Variants in MGAT4C observed in about 807,000 individuals in gnomAD.
MGAT4C encodes the protein MGAT4 family member C.
In MGAT4C, 19 loss-of-function variants were observed where a neutral mutation model predicts 40.1. That is an observed-to-expected ratio of 0.47 (90% CI 0.33 to 0.70). MGAT4C has a LOEUF of 0.70. Among genes scored for constraint, MGAT4C ranks in the 30% least tolerant of loss-of-function variants. The pLI, the probability that MGAT4C is intolerant of heterozygous loss-of-function variation, is 0.02. For synonymous variants in MGAT4C, 181 were observed against 187.1 expected (o/e 0.97, Z 0.27); for missense variants, 491 against 563.2 (o/e 0.87, Z 1.30).
chr12:86,623,190 C>T (rs1364743644), intron 2 of MGAT4C, among the ~76,000 whole-genome samples: 1 of 152,034 alleles, frequency 6.6e-6, no homozygotes, highest in African/African-American at 2.4e-5. Flanking sequence ...ACAACCAAAC[C>T]TGTTCAAAAT....
intron 1 of MGAT4C, among the ~76,000 whole-genome samples, chr12:86,247,757 A>G (rs1952094266): frequency 6.6e-6 from 1 of 151,954 alleles, no homozygotes; most frequent in Non-Finnish European, 1.5e-5. Flanking sequence ...AAGAAAGTAA[A>G]TGTTGCTGGA....
intron 3 of MGAT4C, among the ~76,000 whole-genome samples, chr12:86,341,859 C>T (rs1457897957): frequency 6.6e-6 from 1 of 152,110 alleles, no homozygotes; most frequent in Non-Finnish European, 1.5e-5. Context: ...TCTGAATTGC[C>T]CTAGGACGGC....
At chr12:86,679,088 C>A (rs951299671) in intron 2 of MGAT4C, among the ~76,000 whole-genome samples, 2 of 151,996 alleles carry the variant, frequency 1.3e-5, no homozygotes, top group African/African-American at 4.8e-5. Flanking sequence ...CTCTCCAGTA[C>A]CTGTTGTTTC....
At chr12:86,619,202 T>A (rs1006143510) in intron 2 of MGAT4C, among the ~76,000 whole-genome samples, 23 of 152,258 alleles carry the variant, frequency 1.5e-4, no homozygotes, top group South Asian at 4.1e-4. Context: ...TCCGTGGATA[T>A]AACAGAACAA....
chr12:86,181,782 A>T (rs914359156), intron 1 of MGAT4C, among the ~76,000 whole-genome samples: 1 of 152,036 alleles, frequency 6.6e-6, no homozygotes, highest in Non-Finnish European at 1.5e-5. Context: ...AATAAAAGCA[A>T]TAGGTCTCTT....
At chr12:86,136,135 C>A (rs1484899603) in intron 1 of MGAT4C, among the ~76,000 whole-genome samples, 8 of 151,992 alleles carry the variant, frequency 5.3e-5, no homozygotes, top group Non-Finnish European at 1.2e-4. Flanking sequence ...ATAAATATAT[C>A]CATAAAATAA....
rs202031124 is a variant in MGAT4C at position 86,019,906 on chromosome 12, C to T, written c.-7+29768G>A. ...TAGTTCTCCTTGAAGAGGTCCTTCACGTCCCTTGTAAGTTGGATTCCTAGG... is the reference window on the plus strand; with the variant it reads ...TAGTTCTCCTTGAAGAGGTCCTTCATGTCCCTTGTAAGTTGGATTCCTAGG... On this transcript the variant is annotated intron_variant, in intron 2 of 4. Coordinates refer to ENST00000611864, the MANE Select transcript of MGAT4C (RefSeq NM_001351288.2). Among the ~76,000 whole-genome samples, 9 of 152,192 alleles carry T rather than the reference C, an allele frequency of 5.9e-5. No homozygotes were observed. The East Asian group carries it at 9.7e-4, about 16-fold the overall frequency.
chr12:86,566,834 A>C (rs1960148738), intron 2 of MGAT4C, among the ~76,000 whole-genome samples: 1 of 150,816 alleles, frequency 6.6e-6, no homozygotes, highest in African/African-American at 2.4e-5. Context: ...TCCTGCAAGC[A>C]ATGTTTCTTC....
At chr12:86,652,818 A>T (rs1437924869) in intron 2 of MGAT4C, among the ~76,000 whole-genome samples, 4 of 151,968 alleles carry the variant, frequency 2.6e-5, no homozygotes, top group Non-Finnish European at 5.9e-5. Context: ...ATGTGGCCAC[A>T]TTATATTCCT....
At chr12:86,508,966 G>C (rs1156658880) in intron 2 of MGAT4C, among the ~76,000 whole-genome samples, 16 of 151,738 alleles carry the variant, frequency 1.1e-4, no homozygotes, top group Non-Finnish European at 5.9e-5. Context: ...TTAGCCCTTT[G>C]TCAGATGAGT....
chr12:86,673,396 T>C (rs1342161224), intron 2 of MGAT4C, among the ~76,000 whole-genome samples: 2 of 152,144 alleles, frequency 1.3e-5, no homozygotes, highest in East Asian at 3.8e-4. Flanking sequence ...CCGTATCATA[T>C]ATCATTCCCT....
chr12:86,837,316 AT>A (rs1388255524), intron 1 of MGAT4C, among the ~76,000 whole-genome samples: 1 of 152,036 alleles, frequency 6.6e-6, no homozygotes, highest in Admixed American at 6.6e-5. Flanking sequence ...TCTCTTTTCC[AT>A]TTTTTTGCCT....
intron 1 of MGAT4C, among the ~76,000 whole-genome samples, chr12:86,184,922 G>C (rs1018240966): frequency 2.0e-5 from 3 of 152,162 alleles, no homozygotes; most frequent in Non-Finnish European, 4.4e-5. Context: ...GTCAGCCTAC[G>C]TCAACATAAC....
At chr12:86,541,287 A>C (rs1245947431) in intron 2 of MGAT4C, among the ~76,000 whole-genome samples, 1 of 152,212 alleles carries the variant, frequency 6.6e-6, no homozygotes, top group Non-Finnish European at 1.5e-5. Flanking sequence ...TTAGATATCA[A>C]AATTACTTTG....
chr12:86,410,135 T>C (rs1218448598), intron 3 of MGAT4C, among the ~76,000 whole-genome samples: 1 of 152,162 alleles, frequency 6.6e-6, no homozygotes, highest in Non-Finnish European at 1.5e-5. Context: ...GATGAGGGAC[T>C]ATGTTCGGCT....
chr12:86,417,755 A>G (rs1318499481), intron 3 of MGAT4C, among the ~76,000 whole-genome samples: 1 of 152,080 alleles, frequency 6.6e-6, no homozygotes, highest in East Asian at 1.9e-4. Context: ...TGAAGGAGAG[A>G]TACTTTCTTT....
At chr12:86,509,792 G>C (rs1395346099) in intron 2 of MGAT4C, among the ~76,000 whole-genome samples, 1 of 152,092 alleles carries the variant, frequency 6.6e-6, no homozygotes, top group Non-Finnish European at 1.5e-5. Flanking sequence ...TTGTAAGTTG[G>C]ATTCCTAGGT....
intron 3 of MGAT4C, among the ~76,000 whole-genome samples, chr12:86,415,541 T>C (rs1298227189): frequency 6.6e-6 from 1 of 151,990 alleles, no homozygotes; most frequent in Admixed American, 6.6e-5. Flanking sequence ...TTGAAGTCAA[T>C]CTAAGTTTGA....
intron 1 of MGAT4C, among the ~76,000 whole-genome samples, chr12:86,148,457 G>A (rs1883844795): frequency 6.6e-6 from 1 of 152,160 alleles, no homozygotes. Context: ...TCAGAGAGAA[G>A]GGTATAGAGC....
Sources: allele counts gnomAD v4.1 joint callset (sites outside exome capture counted in the v4.1 genomes callset), GRCh38; gene constraint gnomAD v4.1.1; transcripts MANE v1.5; gene names NCBI Gene and HGNC (gene_info 2026-07-23, HGNC 2026-07-21).